LRRC4C: variants seen among roughly 807,000 people sequenced by gnomAD.
The protein encoded by LRRC4C is leucine-rich repeat-containing protein 4C.
In LRRC4C, 5 loss-of-function variants were observed where a neutral mutation model predicts 33.6. The observed-to-expected ratio is 0.15, with a 90% CI of 0.08 to 0.31. The LOEUF is 0.31. LRRC4C is among the 10% of genes least tolerant of loss of function. The probability of loss-of-function intolerance (pLI) is 1.00; values close to 1 mark genes in which losing one functional copy is unlikely to be tolerated. For missense variants in LRRC4C, 560 were observed against 796.7 expected (o/e 0.70, Z 3.58); for synonymous variants, 329 against 302.0 (o/e 1.09, Z -0.93).
At chr11:41,015,675 G>A (rs1855530671) in intron 1 of LRRC4C, among the ~76,000 whole-genome samples, 1 of 152,154 alleles carries the variant, frequency 6.6e-6, no homozygotes, top group South Asian at 2.1e-4. Flanking sequence ...GGAGTGATCT[G>A]AGGTACTCAT....
chr11:40,830,728 C>T (rs934148987), intron 2 of LRRC4C, among the ~76,000 whole-genome samples: 70 of 152,128 alleles, frequency 4.6e-4, no homozygotes, highest in Admixed American at 4.5e-3. Flanking sequence ...GATTCATCTT[C>T]GTTTGTAGGT....
At position 40,660,073 on chromosome 11, in the gene LRRC4C, G is replaced by A. The variant is rs138359692; in HGVS notation, c.-406-11795C>T. Among the ~76,000 whole-genome samples the A allele has an allele frequency of 1.4e-4, 22 of 152,288 alleles. No homozygotes were observed. In the East Asian group the frequency reaches 2.3e-3, roughly 16 times the overall value. On this transcript the variant is annotated intron_variant, in intron 2 of 6. Coordinates refer to ENST00000528697, the MANE Select transcript of LRRC4C (RefSeq NM_001258419.2). ...TCCTTGTGTTTCCAAGCTTCTGAGC[G>A]CCACTGCATTCTCCTTGTCCACACA... is the stretch of plus-strand genomic sequence containing the variant.
intron 1 of LRRC4C, among the ~76,000 whole-genome samples, chr11:41,026,623 T>A (rs1466068973): frequency 6.6e-6 from 1 of 150,800 alleles, no homozygotes; most frequent in African/African-American, 2.4e-5. Context: ...AAAAGTCAAT[T>A]AATGTGGCAA....
chr11:40,475,594 TATA>T (rs907284840), intron 3 of LRRC4C, among the ~76,000 whole-genome samples: 7 of 151,910 alleles, frequency 4.6e-5, no homozygotes, highest in African/African-American at 1.7e-4. Context: ...GAACTTTAAG[TATA>T]ATAATAATAA....
chr11:41,053,113 C>T (rs1246081378), intron 1 of LRRC4C, among the ~76,000 whole-genome samples: 1 of 152,196 alleles, frequency 6.6e-6, no homozygotes, highest in Non-Finnish European at 1.5e-5. Context: ...AGATGACTCC[C>T]AATGATTTCT....
chr11:40,670,572 G>GAAAAC (rs946527081), intron 2 of LRRC4C, among the ~76,000 whole-genome samples: 23 of 151,850 alleles, frequency 1.5e-4, no homozygotes, highest in East Asian at 5.8e-4. Flanking sequence ...ACACCTTTTT[G>GAAAAC]AAAACAAAAC....
At chr11:40,855,382 C>A (rs1953730425) in intron 2 of LRRC4C, among the ~76,000 whole-genome samples, 1 of 152,166 alleles carries the variant, frequency 6.6e-6, no homozygotes, top group South Asian at 2.1e-4. Context: ...AAAACAGTAA[C>A]CGAAAGGGCA....
intron 3 of LRRC4C, among the ~76,000 whole-genome samples, chr11:40,580,751 A>T (rs1958431833): frequency 6.6e-6 from 1 of 152,172 alleles, no homozygotes; most frequent in South Asian, 2.1e-4. Flanking sequence ...AATTTAAGGG[A>T]TTGATAAGAG....
intron 3 of LRRC4C, among the ~76,000 whole-genome samples, chr11:40,334,126 G>C (rs1946489756): frequency 6.6e-6 from 1 of 152,052 alleles, no homozygotes; most frequent in Non-Finnish European, 1.5e-5. Flanking sequence ...TCCTTGCTGT[G>C]TTTTAGTATG....
At chr11:41,131,498 A>G (rs1943010962) in intron 1 of LRRC4C, among the ~76,000 whole-genome samples, 1 of 152,104 alleles carries the variant, frequency 6.6e-6, no homozygotes, top group South Asian at 2.1e-4. Flanking sequence ...AGTTACGACC[A>G]TGTATATTTT....
intron 1 of LRRC4C, among the ~76,000 whole-genome samples, chr11:41,162,540 C>T (rs530462642): frequency 1.5e-4 from 23 of 152,156 alleles, no homozygotes; most frequent in Non-Finnish European, 2.8e-4. Context: ...TCCTACTATA[C>T]GCCTAGGCTA....
intron 1 of LRRC4C, among the ~76,000 whole-genome samples, chr11:41,170,158 G>C (rs1396049303): frequency 6.6e-6 from 1 of 152,014 alleles, no homozygotes; most frequent in African/African-American, 2.4e-5. Context: ...TATCAAGATA[G>C]ACTAGATATT....
intron 5 of LRRC4C, among the ~76,000 whole-genome samples, chr11:40,175,043 A>C (rs767295820): frequency 4.7e-4 from 71 of 152,210 alleles, no homozygotes; most frequent in Non-Finnish European, 9.1e-4. Flanking sequence ...TTAGAAAGAG[A>C]GACTACATGA....
chr11:40,420,099 A>G (rs1391181443), intron 3 of LRRC4C, among the ~76,000 whole-genome samples: 3 of 152,370 alleles, frequency 2.0e-5, no homozygotes, highest in Admixed American at 2.0e-4. Context: ...ATTAAATGAA[A>G]GGAATGAATA....
chr11:40,459,623 C>T (rs1952295550), intron 3 of LRRC4C, among the ~76,000 whole-genome samples: 1 of 152,160 alleles, frequency 6.6e-6, no homozygotes, highest in East Asian at 1.9e-4. Flanking sequence ...GCCAGAAAAG[C>T]TGCCTCTCTC....
chr11:40,886,369 G>T (rs542286412), intron 2 of LRRC4C, among the ~76,000 whole-genome samples: 1 of 148,214 alleles, frequency 6.7e-6, no homozygotes, highest in Non-Finnish European at 1.5e-5. Flanking sequence ...CAATGCAATA[G>T]AAGTGCTACT....
In LRRC4C at chr11:40,390,411, C is replaced by T. The variant is rs115647727; in HGVS notation, c.-269-70690G>A. ...ATATCTTAAACTTAACTAATTATCT[C>T]TCTCAGGCTAGGATCCCTGTGAATA... On this transcript the variant is annotated intron_variant, in intron 3 of 6. Coordinates refer to ENST00000528697, the MANE Select transcript of LRRC4C (RefSeq NM_001258419.2). 3.1e-3 allele frequency among the ~76,000 whole-genome samples: 479 copies of T among 152,276 alleles called. 4 individuals carry two copies. The highest frequency in any genetic ancestry group is 0.011 in the African/African-American group (460 of 41,548).
chr11:40,871,193 G>T (rs928977652), intron 2 of LRRC4C, among the ~76,000 whole-genome samples: 1 of 152,110 alleles, frequency 6.6e-6, no homozygotes, highest in African/African-American at 2.4e-5. Context: ...AACTTCATTA[G>T]CAATTTTAAT....
At chr11:40,270,795 C>T (rs1302789099) in intron 4 of LRRC4C, among the ~76,000 whole-genome samples, 1 of 152,186 alleles carries the variant, frequency 6.6e-6, no homozygotes, top group Non-Finnish European at 1.5e-5. Context: ...TCTGCTACCA[C>T]AGCATCTATA....
Sources: gnomAD v4.1 joint callset for allele counts (sites outside exome capture counted in the v4.1 genomes callset) on GRCh38, gnomAD v4.1.1 for gene constraint, MANE v1.5 for transcripts, NCBI Gene and HGNC (gene_info 2026-07-23, HGNC 2026-07-21) for gene names.